TMEM117: variants seen among roughly 807,000 people sequenced by gnomAD.
TMEM117 encodes transmembrane protein 117.
A neutral mutation model predicts 52.4 loss-of-function variants in TMEM117; 27 were observed. That is an observed-to-expected ratio of 0.51 (90% CI 0.38 to 0.71). TMEM117 has a LOEUF of 0.71. Among genes scored for constraint, TMEM117 ranks in the 30% least tolerant of loss-of-function variants. The pLI is 0.00. For missense variants in TMEM117, 556 were observed against 630.5 expected (o/e 0.88, Z 1.26); for synonymous variants, 215 against 206.3 (o/e 1.04, Z -0.36).
At chr12:44,347,491 A>G (rs1951503550) in intron 6 of TMEM117, among the ~76,000 whole-genome samples, 1 of 152,090 alleles carries the variant, frequency 6.6e-6, no homozygotes, top group Non-Finnish European at 1.5e-5. Flanking sequence ...GTGTTTTGTT[A>G]TGTAGGAAAC....
chr12:44,015,033 G>GA (rs34596342), intron 3 of TMEM117, among the ~76,000 whole-genome samples: 23 of 147,320 alleles, frequency 1.6e-4, no homozygotes, highest in South Asian at 1.3e-3. Flanking sequence ...ACTTGGTTCA[G>GA]AAAAAAAAAA....
intron 2 of TMEM117, among the ~76,000 whole-genome samples, chr12:43,868,965 A>G (rs1357695232): frequency 6.6e-6 from 1 of 152,180 alleles, no homozygotes; most frequent in Non-Finnish European, 1.5e-5. Flanking sequence ...TTGGTTAAGA[A>G]GCAAAGAGAG....
intron 2 of TMEM117, among the ~76,000 whole-genome samples, chr12:43,884,974 G>T (rs74884917): frequency 6.6e-6 from 1 of 152,114 alleles, no homozygotes; most frequent in South Asian, 2.1e-4. Context: ...CCCATGGCAC[G>T]CTCGCAACGT....
intron 3 of TMEM117, among the ~76,000 whole-genome samples, chr12:43,957,322 A>G (rs1429692836): frequency 6.6e-6 from 1 of 152,194 alleles, no homozygotes; most frequent in Non-Finnish European, 1.5e-5. Context: ...AGAAAAAGCT[A>G]TAAAAAAGGC....
At chr12:44,014,196 G>A (rs922936875) in intron 3 of TMEM117, among the ~76,000 whole-genome samples, 5 of 152,148 alleles carry the variant, frequency 3.3e-5, no homozygotes, top group African/African-American at 4.8e-5. Context: ...GCAGGTAGAC[G>A]GGCCATGGCA....
chr12:44,365,866 A>G (rs1280244034), intron 6 of TMEM117, among the ~76,000 whole-genome samples: 1 of 151,980 alleles, frequency 6.6e-6, no homozygotes, highest in East Asian at 1.9e-4. Context: ...GTCCTCAGTA[A>G]TGTGGAGGGA....
intron 2 of TMEM117, among the ~76,000 whole-genome samples, chr12:43,926,055 T>C (rs1471811883): frequency 3.3e-5 from 5 of 152,222 alleles, no homozygotes; most frequent in African/African-American, 1.2e-4. Context: ...TTAATCTGTA[T>C]GCTAATTAAA....
At chr12:43,967,237 A>C (rs1045894453) in intron 3 of TMEM117, among the ~76,000 whole-genome samples, 1 of 150,906 alleles carries the variant, frequency 6.6e-6, no homozygotes, top group Non-Finnish European at 1.5e-5. Context: ...TGATCTTCTC[A>C]CCTCAGCCTC....
At chr12:44,074,354 A>G (rs925531590) in intron 3 of TMEM117, among the ~76,000 whole-genome samples, 5 of 152,172 alleles carry the variant, frequency 3.3e-5, no homozygotes, top group Admixed American at 2.6e-4. Context: ...TATAGTTTTT[A>G]TTTATTAAAT....
Position 44,388,417 on chromosome 12 carries a change from T to A in TMEM117, c.1290T>A (p.Thr430=). The A allele has an allele frequency of 6.2e-7, 1 of 1,613,328 alleles. No homozygotes were observed. Among genetic ancestry groups the A allele is most frequent in the Non-Finnish European group, 8.5e-7 (1 of 1,179,632 alleles). ...CACGCATGGAGAATCAAGACAAAACTTACACTCGCATGAAAAGAAAATCTC... is the reference window on the plus strand; with the variant it reads ...CACGCATGGAGAATCAAGACAAAACATACACTCGCATGAAAAGAAAATCTC... The part of the protein sequence containing the change: ...NEPRMENQDK[T]YTRMKRKSPS... Residue 430 remains threonine, a synonymous_variant, in exon 8 of 8, where the codon ACT becomes ACA. Coordinates refer to ENST00000266534, the MANE Select transcript of TMEM117 (RefSeq NM_032256.3).
chr12:43,902,573 C>T (rs967366942), intron 2 of TMEM117, among the ~76,000 whole-genome samples: 1 of 152,142 alleles, frequency 6.6e-6, no homozygotes. Context: ...GCTTAAGTGG[C>T]TTCCACTGTG....
chr12:44,018,759 C>T (rs1341533283), intron 3 of TMEM117, among the ~76,000 whole-genome samples: 7 of 146,866 alleles, frequency 4.8e-5, no homozygotes, highest in African/African-American at 1.0e-4. Context: ...CTTGCTCTGT[C>T]GCCAGTCTGG....
intron 4 of TMEM117, among the ~76,000 whole-genome samples, chr12:44,144,663 A>G (rs77356908): frequency 0.012 from 1,860 of 152,332 alleles, 31 homozygotes; most frequent in East Asian, 0.056. Flanking sequence ...AAGAGTATCA[A>G]GTAACTACCA....
At chr12:44,334,482 G>A (rs1387949946) in intron 6 of TMEM117, among the ~76,000 whole-genome samples, 1 of 152,012 alleles carries the variant, frequency 6.6e-6, no homozygotes, top group Non-Finnish European at 1.5e-5. Flanking sequence ...CTGGGCCTCA[G>A]GTGAACCCTA....
At chr12:43,815,632 A>G in the TMEM117 span, among the ~76,000 whole-genome samples, 2 of 152,376 alleles carry the variant, frequency 1.3e-5, no homozygotes, top group Admixed American at 1.3e-4. Context: ...TACAAGGTGA[A>G]GAACCCAAAG....
At chr12:44,053,314 T>A (rs1947004094) in intron 3 of TMEM117, among the ~76,000 whole-genome samples, 2 of 152,322 alleles carry the variant, frequency 1.3e-5, no homozygotes, top group Non-Finnish European at 2.9e-5. Context: ...AATGATATTT[T>A]ATTATAAAGG....
chr12:44,178,309 C>G (rs1318301623), intron 4 of TMEM117, among the ~76,000 whole-genome samples: 2 of 152,102 alleles, frequency 1.3e-5, no homozygotes, highest in Admixed American at 1.3e-4. Context: ...CCATTGTGTA[C>G]CTATCTAATT....
intron 3 of TMEM117, among the ~76,000 whole-genome samples, chr12:44,045,217 C>T (rs1170615611): frequency 6.6e-6 from 1 of 152,162 alleles, no homozygotes; most frequent in African/African-American, 2.4e-5. Context: ...TCAGCAACAA[C>T]GACTTCCACT....
At chr12:44,179,964 A>G (rs1949168541) in intron 4 of TMEM117, among the ~76,000 whole-genome samples, 1 of 152,084 alleles carries the variant, frequency 6.6e-6, no homozygotes, top group South Asian at 2.1e-4. Context: ...TAGCTCTGCC[A>G]CCCCTTAGGG....
Sources: gnomAD v4.1 joint callset for allele counts (sites outside exome capture counted in the v4.1 genomes callset) on GRCh38, gnomAD v4.1.1 for gene constraint, MANE v1.5 for transcripts, NCBI Gene and HGNC (gene_info 2026-07-23, HGNC 2026-07-21) for gene names.